The following NDUFA5 variants were observed in gnomAD, a reference collection of about 807,000 sequenced individuals.
NDUFA5 encodes the protein NADH dehydrogenase [ubiquinone] 1 alpha subcomplex subunit 5.
In NDUFA5, 11 loss-of-function variants were observed where a neutral mutation model predicts 19.8. The ratio of observed to expected loss-of-function variants is 0.56; its 90% CI spans 0.35 to 0.92. The LOEUF (loss-of-function observed/expected upper bound fraction) is 0.92, where lower values mean the gene tolerates loss of function less well. Ranked by LOEUF, NDUFA5 falls within the 40% of genes least tolerant of loss-of-function variation. NDUFA5 has a pLI of 0.01. For synonymous variants in NDUFA5, 47 were observed against 46.8 expected (o/e 1.00, Z -0.01); for missense variants, 109 against 134.2 (o/e 0.81, Z 0.93).
the NDUFA5 span, among the ~76,000 whole-genome samples, chr7:123,600,983 A>G: frequency 6.6e-6 from 1 of 152,186 alleles, no homozygotes; most frequent in Admixed American, 6.6e-5. Flanking sequence ...ATGAAAATGA[A>G]TATAAAATAT....
At chr7:123,552,180 A>T (rs1338588873) in intron 2 of NDUFA5, among the ~76,000 whole-genome samples, 1 of 103,708 alleles carries the variant, frequency 9.6e-6, no homozygotes. Flanking sequence ...TTTTTCAATT[A>T]AAAAAAAAAA....
Position 123,539,733 on chromosome 7 carries a change from T to G in NDUFA5, c.*2386A>C, listed in dbSNP as rs4147635. 43,440 of 152,074 alleles carry G rather than the reference T, an allele frequency of 0.29. 6,324 individuals carry two copies. Among genetic ancestry groups the G allele is most frequent in the East Asian group, 0.32 (1,676 of 5,174 alleles). 9.4% of individuals were successfully genotyped at this position (152,074 alleles called of 1,614,324 possible). Reference sequence around the variant, plus strand: ...CAGGAGAAAGAACCAATGACCAAATTGCAATACCTTTTAGATACCTATCCC... The same window carrying G: ...CAGGAGAAAGAACCAATGACCAAATGGCAATACCTTTTAGATACCTATCCC... On this transcript the variant is annotated 3_prime_UTR_variant, in exon 5 of 5. Coordinates refer to ENST00000355749, the MANE Select transcript of NDUFA5 (RefSeq NM_005000.5).
At chr7:123,551,534 A>C in intron 2 of NDUFA5, 1 of 977,610 alleles carries the variant, frequency 1.0e-6, no homozygotes, top group African/African-American at 1.8e-5. Flanking sequence ...GTGAGGTCCG[A>C]AGCACTGCAA....
the NDUFA5 span, among the ~76,000 whole-genome samples, chr7:123,599,221 T>A: frequency 1.3e-5 from 2 of 151,696 alleles, no homozygotes; most frequent in Non-Finnish European, 2.9e-5. Context: ...AACAACAAAA[T>A]AAGAGGATAA....
chr7:123,582,862 A>C, the NDUFA5 span, among the ~76,000 whole-genome samples: 51 of 152,164 alleles, frequency 3.4e-4, no homozygotes, highest in African/African-American at 1.2e-3. Context: ...TTGGCAAATA[A>C]ATGAATGCAG....
intron 3 of NDUFA5, chr7:123,546,837 A>T (rs1584690744): frequency 7.8e-6 from 4 of 511,722 alleles, no homozygotes; most frequent in Non-Finnish European, 1.1e-5. Context: ...ACCACAAAAG[A>T]TATACATGTA....
the NDUFA5 span, among the ~76,000 whole-genome samples, chr7:123,584,479 T>C: frequency 2.0e-5 from 3 of 151,974 alleles, no homozygotes; most frequent in Admixed American, 2.0e-4. Flanking sequence ...GAAGTCACAC[T>C]TAAGAGTTTA....
the NDUFA5 span, among the ~76,000 whole-genome samples, chr7:123,568,047 A>T: frequency 6.6e-6 from 1 of 152,120 alleles, no homozygotes; most frequent in East Asian, 1.9e-4. Flanking sequence ...TCAGAACTTC[A>T]TTCTAAAATG....
chr7:123,551,452 G>A (rs1433834808), intron 2 of NDUFA5: 43 of 515,014 alleles, frequency 8.3e-5, no homozygotes, highest in African/African-American at 4.2e-4. Context: ...CAGGTGATCC[G>A]CCCACCTCAG....
At chr7:123,562,633 T>C (rs925068199), upstream of NDUFA5, among the ~76,000 whole-genome samples, 1 of 152,148 alleles carries the variant, frequency 6.6e-6, no homozygotes, top group African/African-American at 2.4e-5. Flanking sequence ...CTGCAGCTTT[T>C]TTTACCTCTC....
the NDUFA5 span, among the ~76,000 whole-genome samples, chr7:123,583,033 C>T: frequency 6.6e-6 from 1 of 151,886 alleles, no homozygotes; most frequent in Non-Finnish European, 1.5e-5. Flanking sequence ...GCATCACAAA[C>T]AAATATTGTA....
chr7:123,548,218 A>G (rs569353533), intron 3 of NDUFA5, among the ~76,000 whole-genome samples: 34 of 152,292 alleles, frequency 2.2e-4, no homozygotes, highest in African/African-American at 7.5e-4. Flanking sequence ...ATCTGTGATA[A>G]TTTTACCAAA....
At chr7:123,586,453 C>G in the NDUFA5 span, among the ~76,000 whole-genome samples, 6 of 151,672 alleles carry the variant, frequency 4.0e-5, no homozygotes, top group African/African-American at 1.5e-4. Context: ...GAGTTGTATA[C>G]ATTCCTTATA....
intron 4 of NDUFA5, among the ~76,000 whole-genome samples, chr7:123,544,129 C>T (rs1453835652): frequency 1.3e-5 from 2 of 152,114 alleles, no homozygotes; most frequent in African/African-American, 2.4e-5. Flanking sequence ...ATTTATCAGA[C>T]ACTTATAAGA....
At chr7:123,550,819 G>A (rs1450577659) in intron 2 of NDUFA5, among the ~76,000 whole-genome samples, 3 of 151,750 alleles carry the variant, frequency 2.0e-5, no homozygotes, top group Non-Finnish European at 4.4e-5. Flanking sequence ...TATTTTCTGT[G>A]TATAACAAGT....
chr7:123,550,695 T>G, intron 2 of NDUFA5, 109 bp from the exon 3 acceptor site: 1 of 698,288 alleles, frequency 1.4e-6, no homozygotes, highest in Non-Finnish European at 2.4e-6. Context: ...GTTTTTTTTT[T>G]TTGCTTTTTT....
intron 2 of NDUFA5, 34 bp from the exon 3 acceptor site, chr7:123,550,620 T>A: frequency 7.8e-7 from 1 of 1,281,652 alleles, no homozygotes. Flanking sequence ...TTCCATAGGT[T>A]AAAATATTAC....
chr7:123,575,821 T>TC, the NDUFA5 span, among the ~76,000 whole-genome samples: 11 of 151,118 alleles, frequency 7.3e-5, no homozygotes, highest in South Asian at 2.3e-3. Context: ...GTTTTCTTTT[T>TC]TTTTTTTTTT....
the NDUFA5 span, among the ~76,000 whole-genome samples, chr7:123,574,031 T>C: frequency 6.6e-6 from 1 of 152,178 alleles, no homozygotes; most frequent in Non-Finnish European, 1.5e-5. Flanking sequence ...TGTTACTCAT[T>C]GAATTTGCTA....
Sources: gnomAD v4.1 joint callset for allele counts (sites outside exome capture counted in the v4.1 genomes callset) on GRCh38, gnomAD v4.1.1 for gene constraint, MANE v1.5 for transcripts, NCBI Gene and HGNC (gene_info 2026-07-23, HGNC 2026-07-21) for gene names.